COL6A6: variants seen among roughly 807,000 people sequenced by gnomAD.
COL6A6 encodes collagen type VI alpha 6 chain, also known as collagen alpha-6(VI) chain.
A neutral mutation model predicts 208.6 loss-of-function variants in COL6A6; 183 were observed. That is an observed-to-expected ratio of 0.88 (90% confidence interval 0.78 to 0.99). The LOEUF is 0.99. COL6A6 is among the 50% of genes least tolerant of loss of function. The probability of loss-of-function intolerance (pLI) is 0.00; values close to 1 mark genes in which losing one functional copy is unlikely to be tolerated. For missense variants in COL6A6, 2,816 were observed against 2,815.2 expected, an observed-to-expected ratio of 1.00 and a Z score of -0.01; for synonymous variants, 973 against 1,011.8, an observed-to-expected ratio of 0.96 and a Z score of 0.73.
At chr3:130,602,858 A>G (rs1440325786) in intron 20 of COL6A6, among the ~76,000 whole-genome samples, 1 of 152,102 alleles carries the variant, frequency 6.6e-6, no homozygotes, top group Non-Finnish European at 1.5e-5. Context: ...TTTTTTCTGT[A>G]TTCTCTGTAT....
At chr3:130,545,726 G>C (rs2062479616) in intron 1 of COL6A6, among the ~76,000 whole-genome samples, 1 of 152,112 alleles carries the variant, frequency 6.6e-6, no homozygotes, top group African/African-American at 2.4e-5. Context: ...CAAAGTGCTG[G>C]GATTACAGGC....
At chr3:130,570,436 G>GA (rs1450371675) in intron 6 of COL6A6, among the ~76,000 whole-genome samples, 1 of 152,124 alleles carries the variant, frequency 6.6e-6, no homozygotes, top group East Asian at 1.9e-4. Flanking sequence ...AAAATAAAAA[G>GA]AAAAAAATTG....
rs1390235935 is a variant in COL6A6, at chr3:130,661,758, A to C, written c.5952A>C (p.Ile1984=). ...RNMGSAEFED[I]RAFLGALLDH... Reference sequence around the variant, plus strand: ...TGGGAAGTGCTGAATTTGAAGACATAAGAGCCTTCCTTGGAGCACTATTAG... The same window carrying C: ...TGGGAAGTGCTGAATTTGAAGACATCAGAGCCTTCCTTGGAGCACTATTAG... The change falls in exon 35 of 37, where the codon ATA becomes ATC. Residue 1984 remains isoleucine (I), a synonymous_variant. Coordinates refer to ENST00000358511, the MANE Select transcript of COL6A6 (RefSeq NM_001102608.3). The C allele has an allele frequency of 1.2e-6, 2 of 1,613,762 alleles. No individual in the cohort carries two copies. Among genetic ancestry groups the C allele is most frequent in the Non-Finnish European group, 1.7e-6 (2 of 1,179,862 alleles).
chr3:130,538,609 A>G (rs571261320), intron 1 of COL6A6, among the ~76,000 whole-genome samples: 1 of 152,338 alleles, frequency 6.6e-6, no homozygotes, highest in African/African-American at 2.4e-5. Context: ...ATGGGTTCAA[A>G]GCAATTAAAT....
chr3:130,580,465 T>C (rs1282027949), intron 8 of COL6A6, among the ~76,000 whole-genome samples: 1 of 152,220 alleles, frequency 6.6e-6, no homozygotes. Context: ...GTTTTAAAAG[T>C]TGAAATTGAT....
Position 130,547,718 on chromosome 3 carries a change from C to G in COL6A6, c.-31-12616C>G, listed in dbSNP as rs189008836. Among the ~76,000 whole-genome samples, 315 of 152,370 alleles carry G rather than the reference C, an allele frequency of 2.1e-3. 1 individual carries two copies. Among genetic ancestry groups the G allele is most frequent in the Non-Finnish European group, 3.3e-3 (225 of 68,038 alleles). On this transcript the variant is annotated intron_variant, in intron 1 of 36. Coordinates refer to ENST00000358511, the MANE Select transcript of COL6A6 (RefSeq NM_001102608.3). Reference sequence around the variant, plus strand: ...TTGGGTTCTTAGAATTTCCATCTCTCTACTTACATTGGCCATCTGTTATTG... The same window carrying G: ...TTGGGTTCTTAGAATTTCCATCTCTGTACTTACATTGGCCATCTGTTATTG...
chr3:130,610,812 A>G, intron 23 of COL6A6, 101 bp downstream of exon 23: 1 of 816,496 alleles, frequency 1.2e-6, no homozygotes, highest in Non-Finnish European at 2.0e-6. Flanking sequence ...CTTGTGAACC[A>G]GGAACGTGTA....
Position 130,610,999 on chromosome 3 carries a change from AT to A in COL6A6, c.4815+289del, listed in dbSNP as rs562815608. On this transcript the variant is annotated intron_variant, in intron 23 of 36. Transcript: ENST00000358511. ...GATCTCAATTCTCTTGGGGTTTCCC[AT>A]CCCCATCCCACCCCCAGAATACAGC... Among the ~76,000 whole-genome samples, 41 of 150,884 alleles carry A rather than the reference AT, an allele frequency of 2.7e-4. 1 individual carries two copies. The South Asian group carries it at 8.5e-3, about 31-fold the overall frequency.
intron 1 of COL6A6, among the ~76,000 whole-genome samples, chr3:130,548,547 TC>T (rs1421579920): frequency 6.6e-6 from 1 of 152,202 alleles, no homozygotes; most frequent in Non-Finnish European, 1.5e-5. Flanking sequence ...TTAACTACTT[TC>T]CCCTGAGGGC....
chr3:130,591,278 T>C lies in COL6A6; in HGVS notation c.4272+184T>C, dbSNP rs532849903. 2.1e-4 allele frequency among the ~76,000 whole-genome samples: 32 copies of C among 152,294 alleles called. No individual in the cohort carries two copies. In the South Asian group the frequency reaches 6.2e-3, roughly 30 times the overall value. ...TGGTCATTAGTGGTTTATTGACCTA[T>C]TGTCTCTTCTTTGACTACCCACCAA... On this transcript the variant is annotated intron_variant, in intron 13 of 36. Coordinates refer to ENST00000358511, the MANE Select transcript of COL6A6 (RefSeq NM_001102608.3).
chr3:130,530,456 A>T (rs556496793), intron 1 of COL6A6, among the ~76,000 whole-genome samples: 2 of 152,300 alleles, frequency 1.3e-5, no homozygotes, highest in Non-Finnish European at 2.9e-5. Context: ...TAGCTACCTG[A>T]ATTGGATTAA....
chr3:130,642,713 C>T, intron 29 of COL6A6, 119 bp from the exon 30 acceptor site: 2 of 841,036 alleles, frequency 2.4e-6, no homozygotes, highest in South Asian at 3.7e-5. Flanking sequence ...TTGCCTCTTA[C>T]AATTTAATGA....
rs780301778 is a variant in COL6A6, at chr3:130,643,008, G to T, written c.5212G>T (p.Val1738Leu). 3 of 1,613,812 alleles carry T rather than the reference G, an allele frequency of 1.9e-6. No individual in the cohort carries two copies. The highest frequency in any genetic ancestry group is 1.7e-5 in the Admixed American group (1 of 60,022). Residue 1738 changes from valine to leucine, a missense_variant, in exon 31 of 37, where the codon GTG (valine) becomes TTG (leucine). Transcript: ENST00000358511. ...SFSTCELIQY[V>L]RDRSPGRHGK... Reference sequence around the variant, plus strand: ...GCAGACATGTGAGCTCATTCAGTATGTGCGAGACCGCAGTCGTAAGTACCC... The same window carrying T: ...GCAGACATGTGAGCTCATTCAGTATTTGCGAGACCGCAGTCGTAAGTACCC...
At chr3:130,656,718 T>C (rs144300273) in intron 33 of COL6A6, among the ~76,000 whole-genome samples, 1,540 of 152,314 alleles carry the variant, frequency 0.01, 35 homozygotes, top group African/African-American at 0.034. Context: ...CTGTTTGCAC[T>C]GAGGGGTGCC....
At position 130,526,494 on chromosome 3, in the gene COL6A6, C is replaced by T. The variant is rs4682652; in HGVS notation, c.-32+9097C>T. Among the ~76,000 whole-genome samples the T allele has an allele frequency of 1.2e-3, 188 of 152,240 alleles. 1 individual carries two copies. The highest frequency in any genetic ancestry group is 2.7e-3 in the East Asian group (14 of 5,172). On this transcript the variant is annotated intron_variant, in intron 1 of 36. Transcript: ENST00000358511. Reference sequence around the variant, plus strand: ...TCACTAGAGATTTTGAACATAGGTGCACCAATCTAATTTATGGTCTTCAAA... The same window carrying T: ...TCACTAGAGATTTTGAACATAGGTGTACCAATCTAATTTATGGTCTTCAAA...
At chr3:130,563,014 T>G in intron 2 of COL6A6, 54 bp from the exon 3 acceptor site, 1 of 1,298,674 alleles carries the variant, frequency 7.7e-7, no homozygotes, top group Admixed American at 2.1e-5. Flanking sequence ...GCATTAAATA[T>G]GGCAGTAAAT....
chr3:130,611,510 T>G (rs1271307205), intron 23 of COL6A6, among the ~76,000 whole-genome samples: 4 of 152,220 alleles, frequency 2.6e-5, no homozygotes, highest in African/African-American at 9.7e-5. Flanking sequence ...GGACTTTGTC[T>G]TATTACACTC....
chr3:130,563,246 G>A lies in COL6A6; in HGVS notation c.243G>A (p.Leu81=). 6.2e-7 allele frequency: 1 copy of A among 1,614,002 alleles called. No homozygotes were observed. Among genetic ancestry groups the A allele is most frequent in the Non-Finnish European group, 8.5e-7 (1 of 1,179,896 alleles). The change falls in exon 3 of 37, where the codon CTG becomes CTA. Residue 81 remains leucine (L), a synonymous_variant. Transcript: ENST00000358511. The stretch of plus-strand genomic sequence containing the variant: ...ATAAACTTCACAGTGAATTCCACCT[G>A]AGCACCTTCAAAGGCAGGAGCCCCA... The part of the protein sequence containing the change: ...YSDKLHSEFH[L]STFKGRSPML...
intron 23 of COL6A6, among the ~76,000 whole-genome samples, chr3:130,617,955 C>A (rs1046804987): frequency 6.6e-6 from 1 of 152,202 alleles, no homozygotes; most frequent in Admixed American, 6.5e-5. Flanking sequence ...CTAAACACTT[C>A]TTTCCTATCC....
Sources: allele counts gnomAD v4.1 joint callset (sites outside exome capture counted in the v4.1 genomes callset), GRCh38; gene constraint gnomAD v4.1.1; transcripts MANE v1.5; gene names NCBI Gene and HGNC (gene_info 2026-07-23, HGNC 2026-07-21).